Variants in FAM120A observed in about 807,000 individuals in gnomAD.
FAM120A encodes the protein family with sequence similarity 120 member A.
Under a neutral mutation model 109.7 loss-of-function variants are expected in FAM120A, and 15 were observed. That is an observed-to-expected ratio of 0.14 (90% CI 0.09 to 0.21). FAM120A has a LOEUF of 0.21. FAM120A is among the 10% of genes least tolerant of loss of function. FAM120A has a pLI of 1.00. For missense variants in FAM120A, 899 were observed against 1,439.3 expected, an observed-to-expected ratio of 0.62 and a Z score of 6.07; for synonymous variants, 493 against 572.8, an observed-to-expected ratio of 0.86 and a Z score of 1.99.
At chr9:93,501,649 C>T (rs1859808414) in intron 5 of FAM120A, among the ~76,000 whole-genome samples, 1 of 152,012 alleles carries the variant, frequency 6.6e-6, no homozygotes, top group East Asian at 1.9e-4. Context: ...AGTACAGGCA[C>T]AGAATGACAG....
At chr9:93,528,381 C>T (rs1861177497) in intron 8 of FAM120A, among the ~76,000 whole-genome samples, 1 of 152,212 alleles carries the variant, frequency 6.6e-6, no homozygotes. Flanking sequence ...TTTAGGGTGG[C>T]ATTAAATCAA....
At position 93,522,836 on chromosome 9, in the gene FAM120A, A is replaced by G. The variant is rs1860900879; in HGVS notation, c.1419-4319A>G. On this transcript the variant is annotated intron_variant, in intron 7 of 17. Transcript: ENST00000277165. Reference sequence around the variant, plus strand: ...TCCCCTGTTAATTTTTGCTAATGACATGTACTCCCTGGACCAAATCTGGAC... The same window carrying G: ...TCCCCTGTTAATTTTTGCTAATGACGTGTACTCCCTGGACCAAATCTGGAC... 2.6e-5 allele frequency among the ~76,000 whole-genome samples: 4 copies of G among 152,184 alleles called. No homozygotes were observed. In the South Asian group the frequency reaches 8.3e-4, roughly 31 times the overall value.
chr9:93,527,510 T>A (rs1588883976), intron 8 of FAM120A, among the ~76,000 whole-genome samples: 1 of 152,142 alleles, frequency 6.6e-6, no homozygotes, highest in East Asian at 1.9e-4. Context: ...CCCACATTTG[T>A]TGTAGGTTTT....
intron 12 of FAM120A, among the ~76,000 whole-genome samples, chr9:93,552,529 A>G (rs536558051): frequency 5.9e-5 from 9 of 152,138 alleles, no homozygotes; most frequent in Non-Finnish European, 1.3e-4. Context: ...AGAAAGCTAT[A>G]AGGAAAAATA....
chr9:93,524,759 A>G lies in FAM120A; in HGVS notation c.1419-2396A>G, dbSNP rs1860997047. Among the ~76,000 whole-genome samples, 2 of 152,106 alleles carry G rather than the reference A, an allele frequency of 1.3e-5. 1 individual carries two copies. The highest frequency in any genetic ancestry group is 4.1e-4 in the South Asian group (2 of 4,824). ...CTTCTCTCTGAGCCTGGATTTTATC[A>G]TTTTATCATTAGAGATTTATAGTGT... On this transcript the variant is annotated intron_variant, in intron 7 of 17. Coordinates refer to ENST00000277165, the MANE Select transcript of FAM120A (RefSeq NM_014612.5).
At chr9:93,531,807 A>G (rs559692248) in intron 9 of FAM120A, among the ~76,000 whole-genome samples, 2 of 152,246 alleles carry the variant, frequency 1.3e-5, no homozygotes, top group African/African-American at 4.8e-5. Context: ...AACTCTCTAA[A>G]TAAAAGTTGC....
rs1053243611 is a variant in FAM120A, at chr9:93,543,509, G to A, written c.2159+38G>A. On this transcript the variant is annotated intron_variant, in intron 11 of 17. Transcript: ENST00000277165. ...CATGGGAGCTGGGACCTGGGTCCCC[G>A]CCAGGTGTAGGGGCCATGACCATGG... 19 of 1,602,448 alleles carry A rather than the reference G, an allele frequency of 1.2e-5. No homozygotes were observed. The African/African-American group carries it at 1.3e-4, about 11-fold the overall frequency.
At chr9:93,540,632 C>G (rs554316169) in intron 10 of FAM120A, among the ~76,000 whole-genome samples, 1 of 152,132 alleles carries the variant, frequency 6.6e-6, no homozygotes, top group Non-Finnish European at 1.5e-5. Context: ...TCTGGAGACA[C>G]AGCACCAGGC....
intron 5 of FAM120A, among the ~76,000 whole-genome samples, chr9:93,502,345 C>T (rs910803843): frequency 6.6e-5 from 10 of 152,100 alleles, no homozygotes; most frequent in Admixed American, 2.0e-4. Flanking sequence ...TTAGATTCCA[C>T]CTCAAAACTG....
At chr9:93,463,002 A>G (rs1857862471) in intron 1 of FAM120A, among the ~76,000 whole-genome samples, 1 of 152,140 alleles carries the variant, frequency 6.6e-6, no homozygotes, top group Non-Finnish European at 1.5e-5. Context: ...GAATGTACCG[A>G]CATCTCTTCG....
chr9:93,453,326 A>T, intron 1 of FAM120A: 1 of 986,558 alleles, frequency 1.0e-6, no homozygotes, highest in Non-Finnish European at 1.2e-6. Flanking sequence ...GGGCCAGAGG[A>T]GAACTTCAGG....
At chr9:93,457,472 C>T (rs1857600543) in intron 1 of FAM120A, among the ~76,000 whole-genome samples, 1 of 152,018 alleles carries the variant, frequency 6.6e-6, no homozygotes, top group Non-Finnish European at 1.5e-5. Flanking sequence ...CTTTCCATGT[C>T]TATACTTAGA....
chr9:93,475,239 A>AT (rs1303908749), intron 2 of FAM120A, among the ~76,000 whole-genome samples: 1 of 152,180 alleles, frequency 6.6e-6, no homozygotes, highest in East Asian at 1.9e-4. Flanking sequence ...AGGAAACAAC[A>AT]TTTTGACCGC....
chr9:93,537,509 TA>T (rs1861557348), intron 10 of FAM120A, among the ~76,000 whole-genome samples: 1 of 151,990 alleles, frequency 6.6e-6, no homozygotes, highest in Non-Finnish European at 1.5e-5. Flanking sequence ...ATTAAGTAAA[TA>T]AGAGAAACAG....
At chr9:93,463,700 T>A (rs1857893893) in intron 1 of FAM120A, among the ~76,000 whole-genome samples, 1 of 152,320 alleles carries the variant, frequency 6.6e-6, no homozygotes, top group African/African-American at 2.4e-5. Context: ...TGTCAGGTTG[T>A]TTTATATCTT....
chr9:93,479,192 G>A (rs1232361550), intron 3 of FAM120A, among the ~76,000 whole-genome samples: 2 of 145,330 alleles, frequency 1.4e-5, no homozygotes, highest in African/African-American at 5.2e-5. Flanking sequence ...TCCGCCTCCC[G>A]GTTTCATGCC....
intron 5 of FAM120A, among the ~76,000 whole-genome samples, chr9:93,511,584 T>C (rs552529236): frequency 1.3e-5 from 2 of 152,380 alleles, no homozygotes; most frequent in Admixed American, 1.3e-4. Flanking sequence ...TTCCTTTCTA[T>C]AACTTTTTAT....
At chr9:93,530,886 G>GA (rs1861300874) in intron 9 of FAM120A, 3 of 152,192 alleles carry the variant, frequency 2.0e-5, no homozygotes, top group African/African-American at 7.2e-5. Context: ...TACCTGTTAT[G>GA]TCCACACTGC....
chr9:93,488,162 C>G (rs1186579183), intron 3 of FAM120A, among the ~76,000 whole-genome samples: 3 of 152,188 alleles, frequency 2.0e-5, no homozygotes, highest in Non-Finnish European at 4.4e-5. Flanking sequence ...ATCTCTCCCT[C>G]TCTTTTGGTT....
Sources: allele counts gnomAD v4.1 joint callset (sites outside exome capture counted in the v4.1 genomes callset), GRCh38; gene constraint gnomAD v4.1.1; transcripts MANE v1.5; gene names NCBI Gene and HGNC (gene_info 2026-07-23, HGNC 2026-07-21).